Variants in CFAP99 observed in about 807,000 individuals in gnomAD.
CFAP99 encodes cilia- and flagella-associated protein 99.
A neutral mutation model predicts 82.7 loss-of-function variants in CFAP99; 84 were observed. That is an observed-to-expected ratio of 1.02 (90% CI 0.85 to 1.22). The LOEUF (loss-of-function observed/expected upper bound fraction) is 1.22. CFAP99 is among the 50% of genes most tolerant of loss of function. The probability of loss-of-function intolerance (pLI) is 0.00; values close to 1 mark genes in which losing one functional copy is unlikely to be tolerated. For missense variants in CFAP99, 1,059 were observed against 983.5 expected, an observed-to-expected ratio of 1.08 and a Z score of -1.03; for synonymous variants, 456 against 429.5, an observed-to-expected ratio of 1.06 and a Z score of -0.76.
At chr4:2,422,617 C>T (rs1341472287) in intron 1 of CFAP99, among the ~76,000 whole-genome samples, 2 of 152,140 alleles carry the variant, frequency 1.3e-5, no homozygotes, top group East Asian at 1.9e-4. Context: ...CCACTCTCAC[C>T]GCCCCCACCA....
At chr4:2,431,114 A>T (rs1033674777) in intron 2 of CFAP99, among the ~76,000 whole-genome samples, 3 of 151,962 alleles carry the variant, frequency 2.0e-5, no homozygotes, top group Non-Finnish European at 2.9e-5. Flanking sequence ...CATGCCTGTA[A>T]TCCCAGCACT....
rs193137167 is a variant in CFAP99 at position 2,424,239 on chromosome 4, C to A, written c.-17-2220C>A. Among the ~76,000 whole-genome samples, 459 of 152,236 alleles carry A rather than the reference C, an allele frequency of 3.0e-3. 1 individual carries two copies. The highest frequency in any genetic ancestry group is 5.1e-3 in the Non-Finnish European group (349 of 68,010). Reference sequence around the variant, plus strand: ...TTTGAGACCAGCCTGGCCAACATGGCGAAATCCTGTCTCTCCTAAAAAAAT... The same window carrying A: ...TTTGAGACCAGCCTGGCCAACATGGAGAAATCCTGTCTCTCCTAAAAAAAT... On this transcript the variant is annotated intron_variant, in intron 1 of 14. Transcript: ENST00000635017.
Position 2,462,598 on chromosome 4 carries a change from A to G in CFAP99, c.1817A>G (p.Lys606Arg), listed in dbSNP as rs1225487390. ...TCGGCGCCGCGGACCGCGCGCCCCA[A>G]GCCCCGGGTGAGTCCGGATTGGTGG... Residue 606 changes from lysine (K) to arginine (R), a missense_variant, in exon 15 of 15, where the codon AAG (lysine) becomes AGG (arginine). Transcript: ENST00000635017. The surrounding 1 kb of genome is among the most constrained non-coding windows in gnomAD (Gnocchi z 4.1). The G allele has an allele frequency of 1.4e-6, 2 of 1,419,478 alleles. No homozygotes were observed. Among genetic ancestry groups the G allele is most frequent in the East Asian group, 6.2e-5 (2 of 32,120 alleles). 87.9% of individuals were successfully genotyped at this position (1,419,478 alleles called of 1,614,324 possible). A position where few individuals can be genotyped will look rare whatever the true frequency, so the allele number is the denominator to read the frequency against.
intron 2 of CFAP99, chr4:2,429,044 TTCA>T (rs1213682844): frequency 2.0e-5 from 3 of 152,450 alleles, no homozygotes; most frequent in African/African-American, 7.2e-5. Context: ...ACCACATCTG[TTCA>T]TCATCAGCTC....
At chr4:2,439,706 C>T (rs976665870) in intron 4 of CFAP99, among the ~76,000 whole-genome samples, 11 of 152,234 alleles carry the variant, frequency 7.2e-5, no homozygotes, top group African/African-American at 2.7e-4. Context: ...AGCAGCAAAA[C>T]TGATGGCATT....
intron 6 of CFAP99, among the ~76,000 whole-genome samples, chr4:2,445,781 A>C (rs555444168): frequency 1.3e-5 from 2 of 152,296 alleles, no homozygotes; most frequent in South Asian, 4.1e-4. Flanking sequence ...AATGCAGTTC[A>C]AACTGGCTTA....
intron 4 of CFAP99, among the ~76,000 whole-genome samples, chr4:2,441,743 C>T (rs775947406): frequency 8.2e-4 from 125 of 152,328 alleles, no homozygotes; most frequent in Non-Finnish European, 1.3e-3. Flanking sequence ...GGTCCTTCTT[C>T]CTGCCTCGGG....
intron 2 of CFAP99, among the ~76,000 whole-genome samples, chr4:2,435,825 G>GAGGTGGGAAGCAGCTACTCAGGAGGCCA (rs1733895753): frequency 1.4e-5 from 2 of 143,120 alleles, no homozygotes; most frequent in African/African-American, 5.0e-5. Flanking sequence ...TCAGGAGGCC[G>GAGGTGGGAAGCAGCTACTCAGGAGGCCA]AGGTGGGAAG....
At chr4:2,430,944 G>T (rs960409766) in intron 2 of CFAP99, among the ~76,000 whole-genome samples, 2 of 152,016 alleles carry the variant, frequency 1.3e-5, no homozygotes, top group Admixed American at 6.6e-5. Flanking sequence ...ACAGTGGCAC[G>T]TGCTTGTAGT....
intron 2 of CFAP99, among the ~76,000 whole-genome samples, chr4:2,430,245 C>G (rs1169389566): frequency 1.0e-5 from 1 of 99,156 alleles, no homozygotes; most frequent in Non-Finnish European, 1.9e-5. Context: ...GAAAATTACG[C>G]AATACGTAAA....
chr4:2,462,841 T>C lies in CFAP99; in HGVS notation c.2060T>C (p.Leu687Pro), dbSNP rs1734662859. 4 of 1,391,466 alleles carry C rather than the reference T, an allele frequency of 2.9e-6. No individual in the cohort carries two copies. The highest frequency in any genetic ancestry group is 2.8e-6 in the Non-Finnish European group (3 of 1,072,436). 86.2% of individuals were successfully genotyped at this position (1,391,466 alleles called of 1,614,324 possible). A position where few individuals can be genotyped will look rare whatever the true frequency, so the allele number is the denominator to read the frequency against. Residue 687 changes from leucine (L) to proline (P), a missense_variant, in exon 15 of 15, where the codon CTG becomes CCG. Physicochemically the swap from Leu to Pro is moderately conservative, Grantham distance 98 (BLOSUM62 -3). Coordinates refer to ENST00000635017, the Ensembl canonical transcript of CFAP99. The surrounding 1 kb of genome is among the most constrained non-coding windows in gnomAD (Gnocchi z 4.1). ...CTAGAGGCGCAGCACTGGCTGGAGC[T>C]GGAGCGGAGCCGCGAGCGCAGGCTG...
intron 5 of CFAP99, among the ~76,000 whole-genome samples, chr4:2,444,672 C>A (rs1165573847): frequency 6.6e-6 from 1 of 152,224 alleles, no homozygotes; most frequent in Admixed American, 6.5e-5. Context: ...TCCTGCCCCA[C>A]CTGACTCCAC....
intron 2 of CFAP99, among the ~76,000 whole-genome samples, chr4:2,436,269 C>T (rs2108718604): frequency 6.6e-6 from 1 of 152,246 alleles, no homozygotes; most frequent in Non-Finnish European, 1.5e-5. Flanking sequence ...TTACACTTGA[C>T]ACGCCCTTGC....
chr4:2,451,374 C>A (rs764659953), intron 10 of CFAP99, 22 bp downstream of exon 10: 235 of 1,532,438 alleles, frequency 1.5e-4, no homozygotes, highest in Non-Finnish European at 1.9e-4. Flanking sequence ...CAGGCCCCCC[C>A]ACCTGCCTTC....
intron 8 of CFAP99, 116 bp downstream of exon 8, chr4:2,450,121 C>T (rs891786089): frequency 9.8e-6 from 10 of 1,017,224 alleles, no homozygotes; most frequent in South Asian, 4.3e-5. Flanking sequence ...CACTGAGGGC[C>T]GGGGAGGGGC....
At chr4:2,426,882 C>A in intron 2 of CFAP99, 1 of 338,290 alleles carries the variant, frequency 3.0e-6, no homozygotes, top group Non-Finnish European at 5.6e-6. Context: ...TGGAGCGCCC[C>A]CATGCCCCAC....
chr4:2,443,235 C>T, exon 5 of CFAP99: 5 of 1,533,434 alleles, frequency 3.3e-6, no homozygotes, highest in Non-Finnish European at 4.4e-6. Flanking sequence ...GATCGACCCC[C>T]TGATGAGGTA....
At position 2,450,965 on chromosome 4, in the gene CFAP99, C is replaced by T. The variant is rs764758375; in HGVS notation, c.814C>T (p.Arg272Trp). The T allele has an allele frequency of 2.0e-4, 301 of 1,535,876 alleles. 1 individual carries two copies. The highest frequency in any genetic ancestry group is 4.2e-4 in the South Asian group (35 of 84,062). ...CCTGCAGGGCTCCAAGCAGCAGCTG[C>T]GGCTTCAGTTCCCACCCCGAATCCG... The change falls in exon 9 of 15, where the codon CGG (arginine) becomes TGG (tryptophan). Residue 272 changes from arginine (R) to tryptophan (W), a missense_variant. Coordinates refer to ENST00000635017, the Ensembl canonical transcript of CFAP99.
exon 10 of CFAP99, chr4:2,451,344 G>C (rs1734296442): frequency 1.3e-6 from 2 of 1,535,602 alleles, no homozygotes; most frequent in Non-Finnish European, 1.7e-6. Context: ...TGGAGCAGGA[G>C]CTGCAGAGGT....
Sources: allele counts gnomAD v4.1 joint callset (sites outside exome capture counted in the v4.1 genomes callset), GRCh38; gene constraint gnomAD v4.1.1; non-coding constraint Gnocchi (gnomAD v3.1); transcripts MANE v1.5; gene names NCBI Gene and HGNC (gene_info 2026-07-23, HGNC 2026-07-21).